Variants in TIA1 observed in about 807,000 individuals in gnomAD.
TIA1 encodes the protein TIA1 cytotoxic granule associated RNA binding protein, also known as cytotoxic granule associated RNA binding protein TIA1.
A neutral mutation model predicts 65.9 loss-of-function variants in TIA1; 23 were observed. That is an observed-to-expected ratio of 0.35 (90% CI 0.25 to 0.49). The LOEUF (loss-of-function observed/expected upper bound fraction) is 0.49, where lower values mean the gene tolerates loss of function less well. Ranked by LOEUF, TIA1 falls within the 20% of genes least tolerant of loss-of-function variation. TIA1 has a pLI of 0.98. For missense variants in TIA1, 371 were observed against 477.9 expected, an observed-to-expected ratio of 0.78 and a Z score of 2.09; for synonymous variants, 147 against 149.4, an observed-to-expected ratio of 0.98 and a Z score of 0.12.
rs140469803 is a variant in TIA1, at chr2:70,221,006, A to T, written c.474+3548T>A. Among the ~76,000 whole-genome samples, 1,374 of 151,390 alleles carry T rather than the reference A, an allele frequency of 9.1e-3. 28 individuals are homozygous for T. Among genetic ancestry groups the T allele is most frequent in the African/African-American group, 0.031 (1,282 of 41,232 alleles). ...CAAAGTGAGATTGTTCCTACAAAAA[A>T]ATATATATATATATTTTTGAGACGG... On this transcript the variant is annotated intron_variant, in intron 7 of 12. Coordinates refer to ENST00000433529, the MANE Select transcript of TIA1 (RefSeq NM_022173.4).
intron 6 of TIA1, chr2:70,225,071 G>T: frequency 1.0e-6 from 1 of 980,848 alleles, no homozygotes; most frequent in Non-Finnish European, 1.2e-6. Flanking sequence ...TGAAAAAGTT[G>T]TATATTCCCT....
rs111329173 is a variant in TIA1, at chr2:70,215,047, A to G, written c.888+324T>C. The G allele has an allele frequency of 3.1e-3, 739 of 235,088 alleles. 5 individuals carry two copies. Among genetic ancestry groups the G allele is most frequent in the African/African-American group, 0.016 (698 of 43,274 alleles). The allele number at this position is 235,088 out of a possible 1,614,324, so 14.6% of individuals were successfully genotyped here. The stretch of plus-strand genomic sequence containing the variant: ...ATATTTACAGCTTTATTTTTGTTTC[A>G]GTTGAGTCAAGCATGCTTGTGAGTT... On this transcript the variant is annotated intron_variant, in intron 11 of 12. Transcript: ENST00000433529.
chr2:70,246,741 C>G (rs937010048), intron 1 of TIA1, among the ~76,000 whole-genome samples: 1 of 151,986 alleles, frequency 6.6e-6, no homozygotes, highest in Non-Finnish European at 1.5e-5. Context: ...CAAAAATTAG[C>G]CGGGCATGGT....
intron 7 of TIA1, among the ~76,000 whole-genome samples, chr2:70,220,409 G>A (rs562762909): frequency 3.3e-5 from 5 of 149,362 alleles, no homozygotes; most frequent in Non-Finnish European, 6.0e-5. Flanking sequence ...GTCCTGTCTC[G>A]AAAAAAAAAG....
At chr2:70,246,788 A>G (rs538728968) in intron 1 of TIA1, among the ~76,000 whole-genome samples, 2 of 152,252 alleles carry the variant, frequency 1.3e-5, no homozygotes, top group African/African-American at 4.8e-5. Context: ...TGGGAGGGTG[A>G]GGCAGGAGAA....
intron 7 of TIA1, among the ~76,000 whole-genome samples, chr2:70,219,463 C>A (rs1265633699): frequency 1.3e-5 from 2 of 151,968 alleles, no homozygotes; most frequent in Non-Finnish European, 2.9e-5. Context: ...AATTCAAGGC[C>A]TTTCTTGAAA....
At position 70,210,081 on chromosome 2, in the gene TIA1, A is replaced by G. The variant is rs913976294; in HGVS notation, c.*2638T>C. 2 of 201,070 alleles carry G rather than the reference A, an allele frequency of 9.9e-6. No homozygotes were observed. The highest frequency in any genetic ancestry group is 2.0e-5 in the Non-Finnish European group (2 of 101,206). 12.5% of individuals were successfully genotyped at this position (201,070 alleles called of 1,614,324 possible). On this transcript the variant is annotated 3_prime_UTR_variant, in exon 13 of 13. Transcript: ENST00000433529. ...CCATTTGGTGTTAAACAGTAACCCA[A>G]TATAAACCACTGATTCTGGAATAAG...
intron 7 of TIA1, among the ~76,000 whole-genome samples, chr2:70,222,949 CT>C (rs1682176631): frequency 6.6e-6 from 1 of 152,154 alleles, no homozygotes; most frequent in East Asian, 1.9e-4. Flanking sequence ...AAAGTTACAT[CT>C]GTTTTATAAT....
chr2:70,214,651 A>AAAAAAAAAAAAAAAAAAAAAAAAAAC (rs1558752008), intron 11 of TIA1, among the ~76,000 whole-genome samples, 157 bp from the exon 12 acceptor site: 1 of 143,200 alleles, frequency 7.0e-6, no homozygotes. Context: ...AAAAAAAAAA[A>AAAAAAAAAAAAAAAAAAAAAAAAAAC]AAAAAAACAA....
Position 70,233,487 on chromosome 2 carries a change from G to A in TIA1, c.123+2592C>T, listed in dbSNP as rs970512090. Among the ~76,000 whole-genome samples, 10 of 152,064 alleles carry A rather than the reference G, an allele frequency of 6.6e-5. No individual in the cohort carries two copies. The South Asian group carries it at 1.2e-3, about 19-fold the overall frequency. On this transcript the variant is annotated intron_variant, in intron 2 of 12. Coordinates refer to ENST00000433529, the MANE Select transcript of TIA1 (RefSeq NM_022173.4). ...AATGAAGTTAGAAAAAGTCACTTGC[G>A]GCTGGCTGTGGTGGCTCACGCCTGT...
intron 6 of TIA1, among the ~76,000 whole-genome samples, chr2:70,226,938 A>G (rs773338749): frequency 1.3e-5 from 2 of 152,094 alleles, no homozygotes; most frequent in Admixed American, 1.3e-4. Context: ...TTTACTTTCC[A>G]GTCTCCTCAT....
intron 6 of TIA1, 115 bp from the exon 7 acceptor site, chr2:70,224,744 T>G: frequency 6.8e-7 from 1 of 1,461,104 alleles, no homozygotes; most frequent in Non-Finnish European, 9.0e-7. Flanking sequence ...GAACCTTTAA[T>G]GCAAATTCAC....
At chr2:70,214,580 A>C (rs1157756531) in intron 11 of TIA1, 86 bp from the exon 12 acceptor site, 1 of 1,036,512 alleles carries the variant, frequency 9.6e-7, no homozygotes, top group Non-Finnish European at 1.3e-6. Flanking sequence ...TAGCCAAAAC[A>C]CACAGGGCCA....
At chr2:70,235,596 C>G (rs1451279710) in intron 2 of TIA1, among the ~76,000 whole-genome samples, 2 of 147,480 alleles carry the variant, frequency 1.4e-5, no homozygotes, top group African/African-American at 5.2e-5. Flanking sequence ...AATACATTGT[C>G]TCATAAATAG....
At chr2:70,240,949 C>T (rs764654129) in intron 1 of TIA1, among the ~76,000 whole-genome samples, 3 of 151,988 alleles carry the variant, frequency 2.0e-5, no homozygotes, top group Non-Finnish European at 4.4e-5. Context: ...AAATGGATCC[C>T]GGATGAGGGG....
intron 1 of TIA1, among the ~76,000 whole-genome samples, chr2:70,237,750 G>A (rs1303974259): frequency 6.6e-6 from 1 of 151,690 alleles, no homozygotes; most frequent in Non-Finnish European, 1.5e-5. Context: ...TGTAATCCCA[G>A]CTACTGGGGG....
chr2:70,232,232 AG>A (rs1686740284), intron 2 of TIA1, among the ~76,000 whole-genome samples: 1 of 148,174 alleles, frequency 6.7e-6, no homozygotes, highest in Non-Finnish European at 1.5e-5. Context: ...AAAAGAAAAA[AG>A]AAAAAAGAAA....
At position 70,245,231 on chromosome 2, in the gene TIA1, C is replaced by T. The variant is rs774191024; in HGVS notation, c.26+3174G>A. Among the ~76,000 whole-genome samples the T allele has an allele frequency of 5.9e-5, 9 of 152,294 alleles. No homozygotes were observed. In the South Asian group the frequency reaches 1.9e-3, roughly 32 times the overall value. ...CAAACTTCTGACCTCAGGTGATCCA[C>T]TCACCTCGGCTTCCCAAAGTGCTGG... On this transcript the variant is annotated intron_variant, in intron 1 of 12. Transcript: ENST00000433529.
chr2:70,236,305 T>C (rs1688918371), intron 1 of TIA1, 130 bp from the exon 2 acceptor site: 1 of 552,068 alleles, frequency 1.8e-6, no homozygotes. Context: ...TTCAAGTGAT[T>C]CCCCTGCCTC....
Sources: allele counts gnomAD v4.1 joint callset (sites outside exome capture counted in the v4.1 genomes callset), GRCh38; gene constraint gnomAD v4.1.1; transcripts MANE v1.5; gene names NCBI Gene and HGNC (gene_info 2026-07-23, HGNC 2026-07-21).